Variants in UVSSA observed in about 807,000 individuals in gnomAD.
UVSSA encodes UV stimulated scaffold protein A, also known as UV-stimulated scaffold protein A.
Under a neutral mutation model 73.9 loss-of-function variants are expected in UVSSA, and 72 were observed. The observed-to-expected ratio is 0.97, with a 90% CI of 0.81 to 1.19. The LOEUF is 1.19. UVSSA is among the 50% of genes most tolerant of loss of function. UVSSA has a pLI of 0.00. For synonymous variants in UVSSA, 454 were observed against 391.3 expected (o/e 1.16, Z -1.89); for missense variants, 1,150 against 965.0 (o/e 1.19, Z -2.54).
downstream of UVSSA, chr4:1,392,782 A>G (rs13142985): frequency 0.31 from 47,057 of 152,106 alleles, 8,239 homozygotes; most frequent in Non-Finnish European, 0.4. Flanking sequence ...GATTGTTTAC[A>G]TCTTCTCTTC....
chr4:1,369,984 T>C (rs1389487635), intron 8 of UVSSA, among the ~76,000 whole-genome samples: 2 of 152,180 alleles, frequency 1.3e-5, no homozygotes, highest in Non-Finnish European at 2.9e-5. Flanking sequence ...GCCTGAGGAA[T>C]GCTGTCTGAT....
At chr4:1,379,487 G>A (rs550074290) in intron 10 of UVSSA, among the ~76,000 whole-genome samples, 7 of 144,218 alleles carry the variant, frequency 4.9e-5, no homozygotes, top group Admixed American at 1.4e-4. Context: ...CACCTGGGAC[G>A]CCTGGGAGAC....
At chr4:1,383,718 T>C (rs1203389664) in intron 12 of UVSSA, 48 bp from the exon 13 acceptor site, 3 of 1,608,578 alleles carry the variant, frequency 1.9e-6, no homozygotes, top group Admixed American at 1.7e-5. Context: ...GGTAAGAGGC[T>C]CTGGTCAGTG....
chr4:1,360,216 A>G (rs989123680), intron 7 of UVSSA, among the ~76,000 whole-genome samples: 5 of 152,226 alleles, frequency 3.3e-5, no homozygotes, highest in Non-Finnish European at 7.3e-5. Context: ...CTCTGGAGTC[A>G]GCACAGGGAA....
At chr4:1,357,369 T>C (rs6814865) in intron 7 of UVSSA, among the ~76,000 whole-genome samples, 71,204 of 152,236 alleles carry the variant, frequency 0.47, 20,985 homozygotes, top group African/African-American at 0.82. Flanking sequence ...AGGTGGCTCT[T>C]CTTGGCCTGA....
At chr4:1,375,316 G>T in intron 8 of UVSSA, 48 bp from the exon 9 acceptor site, 1 of 1,606,454 alleles carries the variant, frequency 6.2e-7, no homozygotes, top group South Asian at 1.1e-5. Context: ...TGATGTGCCT[G>T]GCGGGTTGTG....
chr4:1,366,275 A>G, intron 7 of UVSSA, 45 bp from the exon 8 acceptor site: 2 of 1,492,918 alleles, frequency 1.3e-6, no homozygotes, highest in Non-Finnish European at 1.8e-6. Context: ...CTGTGTTCAT[A>G]CACAGGGTCT....
intron 1 of UVSSA, 57 bp downstream of exon 1, chr4:1,347,817 A>T (rs749761016): frequency 7.6e-6 from 3 of 396,188 alleles, no homozygotes; most frequent in Non-Finnish European, 1.4e-5. Context: ...GGACAGCGCC[A>T]CTGGTTCCTT....
chr4:1,382,116 G>A (rs1316427293), intron 12 of UVSSA, among the ~76,000 whole-genome samples: 4 of 152,248 alleles, frequency 2.6e-5, no homozygotes, highest in Non-Finnish European at 5.9e-5. Flanking sequence ...GGTCATGAGA[G>A]GCAGATGTTG....
intron 8 of UVSSA, among the ~76,000 whole-genome samples, chr4:1,370,009 T>C (rs1035144570): frequency 2.0e-5 from 3 of 152,246 alleles, no homozygotes; most frequent in Non-Finnish European, 4.4e-5. Context: ...GGGGTTTTGC[T>C]TTGAAAGTAT....
At chr4:1,394,962 G>A (rs78291991) in exon 14 of UVSSA, 39 of 1,556,378 alleles carry the variant, frequency 2.5e-5, no homozygotes, top group African/African-American at 3.3e-5. Flanking sequence ...CTGCTCACAC[G>A]TGCCCATGCG....
intron 8 of UVSSA, among the ~76,000 whole-genome samples, chr4:1,372,633 G>A (rs1000963062): frequency 1.5e-5 from 2 of 135,902 alleles, no homozygotes; most frequent in African/African-American, 6.1e-5. Flanking sequence ...GTAGGGACAG[G>A]CGAGAGTCAA....
intron 8 of UVSSA, among the ~76,000 whole-genome samples, chr4:1,374,479 T>C (rs1718507893): frequency 1.3e-5 from 2 of 152,112 alleles, no homozygotes; most frequent in East Asian, 3.9e-4. Flanking sequence ...CCCAGCAGTG[T>C]TGGAGAATCT....
chr4:1,380,180 C>A lies in UVSSA; in HGVS notation c.1702C>A (p.Arg568Ser). 1 of 1,613,002 alleles carries A rather than the reference C, an allele frequency of 6.2e-7. No individual in the cohort carries two copies. Among genetic ancestry groups the A allele is most frequent in the South Asian group, 1.1e-5 (1 of 91,090 alleles). ...GTTTGAGCCTGTGCAGCACTGGTGC[C>A]GTGCCCCGAGGCCAGACGGCCGGCT... Reference protein sequence around the residue: ...GKFEPVQHWCRAPRPDGRLCE... With the variant: ...GKFEPVQHWCSAPRPDGRLCE... The change falls in exon 11 of 14, where the codon CGT (arginine) becomes AGT (serine). Residue 568 changes from arginine (R) to serine (S), a missense_variant. Coordinates refer to ENST00000389851, the MANE Select transcript of UVSSA (RefSeq NM_020894.4).
At chr4:1,362,190 A>G (rs1011676697) in intron 7 of UVSSA, among the ~76,000 whole-genome samples, 1 of 152,208 alleles carries the variant, frequency 6.6e-6, no homozygotes. Context: ...GTGAGAATCC[A>G]TTTGTATGAA....
At position 1,375,092 on chromosome 4, in the gene UVSSA, G is replaced by C. The variant is rs569659793; in HGVS notation, c.1289-272G>C. 3.2e-5 allele frequency: 16 copies of C among 495,054 alleles called. No homozygotes were observed. In the Admixed American group the frequency reaches 4.0e-4, roughly 12 times the overall value. The allele number at this position is 495,054 out of a possible 1,614,324, so 30.7% of individuals were successfully genotyped here. The stretch of plus-strand genomic sequence containing the variant: ...TCCATCTGCTCAGGCTGGCACTTCT[G>C]CAAAGCCCGGCAGCACAGTGTGTGA... On this transcript the variant is annotated intron_variant, in intron 8 of 13. Transcript: ENST00000389851.
chr4:1,360,749 A>C (rs1368183785), intron 7 of UVSSA, among the ~76,000 whole-genome samples: 1 of 152,216 alleles, frequency 6.6e-6, no homozygotes, highest in African/African-American at 2.4e-5. Flanking sequence ...TCCCGAGCCC[A>C]GAGTTAGCTT....
exon 14 of UVSSA, chr4:1,393,991 C>G (rs986787276): frequency 1.4e-5 from 3 of 210,656 alleles, no homozygotes; most frequent in South Asian, 1.6e-4. Flanking sequence ...GCAGTTGATG[C>G]ATGGTGAGTG....
At chr4:1,384,269 C>G (rs1719850985) in intron 13 of UVSSA, 1 of 335,426 alleles carries the variant, frequency 3.0e-6, no homozygotes, top group Non-Finnish European at 5.5e-6. Flanking sequence ...CTCGTCTCTC[C>G]CTTGCCTGGC....
Sources: allele counts gnomAD v4.1 joint callset (sites outside exome capture counted in the v4.1 genomes callset), GRCh38; gene constraint gnomAD v4.1.1; transcripts MANE v1.5; gene names NCBI Gene and HGNC (gene_info 2026-07-23, HGNC 2026-07-21).